Variants in RNF144B observed in about 807,000 individuals in gnomAD.
The protein encoded by RNF144B is E3 ubiquitin-protein ligase RNF144B.
RNF144B carries 25 observed loss-of-function variants against 40.2 expected under a neutral mutation model. The observed-to-expected ratio is 0.62, with a 90% CI of 0.45 to 0.87. The LOEUF is 0.87. Among genes scored for constraint, RNF144B ranks in the 40% least tolerant of loss-of-function variants. RNF144B has a pLI of 0.00. For missense variants in RNF144B, 365 were observed against 373.7 expected (o/e 0.98, Z 0.19); for synonymous variants, 145 against 136.3 (o/e 1.06, Z -0.44).
chr6:18,446,840 GGT>G lies in RNF144B; in HGVS notation c.331+7129_331+7130del, dbSNP rs70974744. ...TAAAGTTTTATTGGTTCTATTTTAG[GGT>G]GTGTGTGTGTGTGTGTGTGTGTGTG... On this transcript the variant is annotated intron_variant, in intron 4 of 7. Transcript: ENST00000259939. The surrounding 1 kb of genome is among the most constrained non-coding windows in gnomAD (Gnocchi z 4.7). Among the ~76,000 whole-genome samples the G allele has an allele frequency of 8.3e-3, 1,225 of 147,872 alleles. 15 individuals carry two copies. The highest frequency in any genetic ancestry group is 0.019 in the African/African-American group (744 of 39,994).
In RNF144B at chr6:18,458,476, T is replaced by C. The variant is rs1464815049; in HGVS notation, c.536+1117T>C. Among the ~76,000 whole-genome samples, 1 of 152,120 alleles carries C rather than the reference T, an allele frequency of 6.6e-6. No homozygotes were observed. The highest frequency in any genetic ancestry group is 2.4e-5 in the African/African-American group (1 of 41,418). On this transcript the variant is annotated intron_variant, in intron 5 of 7. Coordinates refer to ENST00000259939, the MANE Select transcript of RNF144B (RefSeq NM_182757.4). This position sits in a 1 kb window ranked among gnomAD's most constrained non-coding sequence, Gnocchi z 4.8. The stretch of plus-strand genomic sequence containing the variant: ...CTCAGAACAAACAAATGGAGAGGAA[T>C]AGAGAAGCTAATACACATGGCAGGC...
chr6:18,455,829 A>G (rs1759312101), intron 4 of RNF144B, among the ~76,000 whole-genome samples: 2 of 152,174 alleles, frequency 1.3e-5, no homozygotes, highest in South Asian at 4.1e-4. Flanking sequence ...CCAATGTGTT[A>G]TGACTAGCTA....
In RNF144B at chr6:18,448,358, A is replaced by T. The variant is rs1037672357; in HGVS notation, c.331+8614A>T. On this transcript the variant is annotated intron_variant, in intron 4 of 7. Coordinates refer to ENST00000259939, the MANE Select transcript of RNF144B (RefSeq NM_182757.4). The surrounding 1 kb of genome is among the most constrained non-coding windows in gnomAD (Gnocchi z 4.0). ...GAAGGTGGAGAGGTTACGGACATGG[A>T]TGCAGGCAGCCTAGTAGATTGGTCT... 1.3e-5 allele frequency among the ~76,000 whole-genome samples: 2 copies of T among 152,042 alleles called. No individual in the cohort carries two copies. The highest frequency in any genetic ancestry group is 2.9e-5 in the Non-Finnish European group (2 of 67,994).
In RNF144B at chr6:18,448,350, G is replaced by A. The variant is rs1232781262; in HGVS notation, c.331+8606G>A. ...TCAGGAAAGAAGGTGGAGAGGTTAC[G>A]GACATGGATGCAGGCAGCCTAGTAG... On this transcript the variant is annotated intron_variant, in intron 4 of 7. Transcript: ENST00000259939. The surrounding 1 kb of genome is among the most constrained non-coding windows in gnomAD (Gnocchi z 4.0). Among the ~76,000 whole-genome samples, 3 of 151,976 alleles carry A rather than the reference G, an allele frequency of 2.0e-5. No homozygotes were observed. Among genetic ancestry groups the A allele is most frequent in the Admixed American group, 6.6e-5 (1 of 15,248 alleles).
rs982978410 is a variant in RNF144B, at chr6:18,444,016, A to T, written c.331+4272A>T. ...GCAGTACTATTTCTTAGTTATAAAA[A>T]ATCATCCTTAGTTTTTTCCAATTCT... On this transcript the variant is annotated intron_variant, in intron 4 of 7. Coordinates refer to ENST00000259939, the MANE Select transcript of RNF144B (RefSeq NM_182757.4). The surrounding 1 kb of genome is among the most constrained non-coding windows in gnomAD (Gnocchi z 4.3). 1.3e-5 allele frequency among the ~76,000 whole-genome samples: 2 copies of T among 152,184 alleles called. No homozygotes were observed. Among genetic ancestry groups the T allele is most frequent in the Non-Finnish European group, 2.9e-5 (2 of 68,036 alleles).
At chr6:18,423,531 A>G (rs142116744) in intron 2 of RNF144B, among the ~76,000 whole-genome samples, 48 of 152,358 alleles carry the variant, frequency 3.2e-4, no homozygotes, top group Middle Eastern at 3.4e-3. Context: ...CCATCATAAT[A>G]GGTGAGAACA....
intron 2 of RNF144B, among the ~76,000 whole-genome samples, chr6:18,427,314 T>C (rs1052314974): frequency 6.6e-6 from 1 of 152,200 alleles, no homozygotes; most frequent in Non-Finnish European, 1.5e-5. Flanking sequence ...TTTCTTTTCC[T>C]GATCTATGGT....
chr6:18,428,167 G>A (rs1447038297), intron 3 of RNF144B, among the ~76,000 whole-genome samples: 1 of 152,118 alleles, frequency 6.6e-6, no homozygotes, highest in African/African-American at 2.4e-5. Flanking sequence ...ACTCCTTGCT[G>A]CGGCCATGTG....
chr6:18,431,464 A>T (rs478281), intron 3 of RNF144B, among the ~76,000 whole-genome samples: 1 of 151,948 alleles, frequency 6.6e-6, no homozygotes, highest in Non-Finnish European at 1.5e-5. Flanking sequence ...AACTTGCTTT[A>T]GATCAAGATT....
chr6:18,403,913 C>T (rs1029657306), intron 2 of RNF144B, among the ~76,000 whole-genome samples: 11 of 152,312 alleles, frequency 7.2e-5, no homozygotes, highest in African/African-American at 2.2e-4. Context: ...TAAAAACTCA[C>T]TCTGGCAGGA....
intron 4 of RNF144B, among the ~76,000 whole-genome samples, chr6:18,451,160 C>T (rs1210271466): frequency 1.3e-5 from 2 of 152,046 alleles, no homozygotes; most frequent in African/African-American, 4.8e-5. Context: ...TGCTTGGTTT[C>T]CCTTTTCTTT....
Position 18,450,957 on chromosome 6 carries a change from T to A in RNF144B, c.332-6198T>A, listed in dbSNP as rs1759197002. Among the ~76,000 whole-genome samples, 1 of 152,198 alleles carries A rather than the reference T, an allele frequency of 6.6e-6. No individual in the cohort carries two copies. Among genetic ancestry groups the A allele is most frequent in the Non-Finnish European group, 1.5e-5 (1 of 68,030 alleles). On this transcript the variant is annotated intron_variant, in intron 4 of 7. Coordinates refer to ENST00000259939, the MANE Select transcript of RNF144B (RefSeq NM_182757.4). The surrounding 1 kb of genome is among the most constrained non-coding windows in gnomAD (Gnocchi z 4.7). ...GCTTTGTTTTATGATTAGGAGGGAC[T>A]AGTTTTACCCCCCTGTTTTTAGAGT... is the stretch of plus-strand genomic sequence containing the variant.
chr6:18,460,973 C>G lies in RNF144B; in HGVS notation c.681+1222C>G, dbSNP rs1759439749. On this transcript the variant is annotated intron_variant, in intron 6 of 7. Transcript: ENST00000259939. The surrounding 1 kb of genome is among the most constrained non-coding windows in gnomAD (Gnocchi z 4.4). ...TACCATTGAGTTGCTATTCTTTTCT[C>G]AGCTCTTTGTTTTGATTGCTTGATT... 6.6e-6 allele frequency among the ~76,000 whole-genome samples: 1 copy of G among 152,176 alleles called. No individual in the cohort carries two copies. Among genetic ancestry groups the G allele is most frequent in the African/African-American group, 2.4e-5 (1 of 41,438 alleles).
intron 4 of RNF144B, 39 bp downstream of exon 4, chr6:18,439,783 T>G: frequency 1.5e-6 from 2 of 1,379,142 alleles, no homozygotes; most frequent in Non-Finnish European, 2.1e-6. Context: ...TGAATGTGGT[T>G]TTACATGTGT....
chr6:18,440,723 G>GTT (rs1554181263), intron 4 of RNF144B, among the ~76,000 whole-genome samples: 1 of 151,328 alleles, frequency 6.6e-6, no homozygotes, highest in Non-Finnish European at 1.5e-5. Context: ...GGGATACATA[G>GTT]GTTAATAGCA....
Position 18,395,861 on chromosome 6 carries a change from A to G in RNF144B, c.-36-3638A>G, listed in dbSNP as rs1353033276. 2.0e-5 allele frequency among the ~76,000 whole-genome samples: 3 copies of G among 152,208 alleles called. No homozygotes were observed. The highest frequency in any genetic ancestry group is 4.4e-5 in the Non-Finnish European group (3 of 68,042). Reference sequence around the variant, plus strand: ...TTTTTGAAAGCTCATTGCTTGAAAAATGTCTGAGAGCCATTGCTTTAGGGA... The same window carrying G: ...TTTTTGAAAGCTCATTGCTTGAAAAGTGTCTGAGAGCCATTGCTTTAGGGA... On this transcript the variant is annotated intron_variant, in intron 1 of 7. Transcript: ENST00000259939. The surrounding 1 kb of genome is among the most constrained non-coding windows in gnomAD (Gnocchi z 4.5).
At position 18,457,302 on chromosome 6, in the gene RNF144B, G is replaced by C. The variant is rs757206219; in HGVS notation, c.479G>C (p.Trp160Ser). 4 of 1,614,182 alleles carry C rather than the reference G, an allele frequency of 2.5e-6. No homozygotes were observed. Among genetic ancestry groups the C allele is most frequent in the Non-Finnish European group, 3.4e-6 (4 of 1,180,030 alleles). ...TTCTGCTCGTGTTGCAAGGATGCTT[G>C]GCATGCAGAGGTCTCCTGTAGAGAC... ...LKFCSCCKDAWHAEVSCRDSQ... is the reference protein window; with the variant it reads ...LKFCSCCKDASHAEVSCRDSQ... Residue 160 changes from tryptophan to serine, a missense_variant, in exon 5 of 8, where the codon TGG (tryptophan) becomes TCG (serine). Transcript: ENST00000259939. This position sits in a 1 kb window ranked among gnomAD's most constrained non-coding sequence, Gnocchi z 5.1.
chr6:18,391,572 T>C (rs1794580777), intron 1 of RNF144B, among the ~76,000 whole-genome samples: 1 of 152,170 alleles, frequency 6.6e-6, no homozygotes, highest in Admixed American at 6.5e-5. Context: ...AGAAGAAATG[T>C]GCTTTTAAGA....
intron 1 of RNF144B, among the ~76,000 whole-genome samples, chr6:18,399,009 T>C (rs992227921): frequency 3.9e-5 from 6 of 152,230 alleles, no homozygotes; most frequent in Non-Finnish European, 7.3e-5. Context: ...TACAATGTGA[T>C]GTTTTGCTCT....
Sources: gnomAD v4.1 joint callset for allele counts (sites outside exome capture counted in the v4.1 genomes callset) on GRCh38, gnomAD v4.1.1 for gene constraint, Gnocchi (gnomAD v3.1) non-coding constraint, MANE v1.5 for transcripts, NCBI Gene and HGNC (gene_info 2026-07-23, HGNC 2026-07-21) for gene names.